Variants in BTBD1 observed in about 807,000 individuals in gnomAD.
The protein encoded by BTBD1 is BTB domain containing 1, also known as BTB/POZ domain-containing protein 1.
In BTBD1, 34 loss-of-function variants were observed where a neutral mutation model predicts 48.0. The observed-to-expected ratio is 0.71, with a 90% CI of 0.54 to 0.94. The LOEUF is 0.94. Ranked by LOEUF, BTBD1 falls within the 40% of genes least tolerant of loss-of-function variation. The probability of loss-of-function intolerance (pLI) is 0.00; values close to 1 mark genes in which losing one functional copy is unlikely to be tolerated. For missense variants in BTBD1, 543 were observed against 625.6 expected (o/e 0.87, Z 1.41); for synonymous variants, 261 against 242.1 (o/e 1.08, Z -0.72).
chr15:83,034,985 A>G (rs774170127), intron 4 of BTBD1, among the ~76,000 whole-genome samples: 3 of 152,174 alleles, frequency 2.0e-5, no homozygotes, highest in Non-Finnish European at 4.4e-5. Context: ...TCAAGTATAC[A>G]TGGATACTTA....
At chr15:83,063,840 C>T (rs2033215633) in intron 1 of BTBD1, among the ~76,000 whole-genome samples, 1 of 152,224 alleles carries the variant, frequency 6.6e-6, no homozygotes, top group Non-Finnish European at 1.5e-5. Flanking sequence ...CGTTCCCTTG[C>T]TGAGAATGTT....
chr15:83,050,005 C>A, intron 3 of BTBD1, 68 bp downstream of exon 3: 1 of 923,886 alleles, frequency 1.1e-6, no homozygotes. Context: ...GCCCCTTCTC[C>A]AACAAGGCTG....
At chr15:83,046,253 A>G (rs2032875551) in intron 3 of BTBD1, among the ~76,000 whole-genome samples, 1 of 152,136 alleles carries the variant, frequency 6.6e-6, no homozygotes, top group African/African-American at 2.4e-5. Context: ...AAAAATAATA[A>G]TAATAACTGA....
chr15:83,037,339 G>A (rs969019169), intron 4 of BTBD1, among the ~76,000 whole-genome samples: 1 of 152,138 alleles, frequency 6.6e-6, no homozygotes, highest in Non-Finnish European at 1.5e-5. Flanking sequence ...TGGCCAGCCT[G>A]AGCAACATGG....
At chr15:83,027,240 T>A (rs1430569275) in intron 5 of BTBD1, among the ~76,000 whole-genome samples, 4 of 152,142 alleles carry the variant, frequency 2.6e-5, no homozygotes, top group Non-Finnish European at 4.4e-5. Flanking sequence ...TAATCCCAGC[T>A]ACCTGGGAGC....
Position 83,050,064 on chromosome 15 carries a change from C to T in BTBD1, c.664+9G>A, listed in dbSNP as rs571736474. The T allele has an allele frequency of 2.1e-5, 32 of 1,554,192 alleles. No individual in the cohort carries two copies. Among genetic ancestry groups the T allele is most frequent in the Middle Eastern group, 3.4e-4 (2 of 5,954 alleles). On this transcript the variant is annotated intron_variant, in intron 3 of 7. Transcript: ENST00000261721. Reference sequence around the variant, plus strand: ...TAAAATGTAACAATTTACTTCATAGCGAACTTACCTATATCAATATCAGTA... The same window carrying T: ...TAAAATGTAACAATTTACTTCATAGTGAACTTACCTATATCAATATCAGTA...
rs772514339 is a variant in BTBD1 at position 83,018,748 on chromosome 15, T to C, written c.1249A>G (p.Ile417Val). 1 of 1,614,082 alleles carries C rather than the reference T, an allele frequency of 6.2e-7. No homozygotes were observed. The highest frequency in any genetic ancestry group is 1.7e-5 in the Admixed American group (1 of 60,014). ...GCTGTGTAGCACACATTGGGCAGGATCTCTATGGGTTCCTTGAACATGACC... is the reference window on the plus strand; with the variant it reads ...GCTGTGTAGCACACATTGGGCAGGACCTCTATGGGTTCCTTGAACATGACC... ...FRVMFKEPIE[I>V]LPNVCYTACA... is the part of the protein sequence containing the mutation. The change falls in exon 7 of 8, where the codon ATC (isoleucine) becomes GTC (valine). Residue 417 changes from isoleucine to valine, a missense_variant. By Grantham distance (29) the Ile-to-Val change is conservative. Around this residue, in one of 3 missense-constraint regions of BTBD1, gnomAD observed 300 missense variants for 350.0 expected, o/e 0.86. Transcript: ENST00000261721.
intron 1 of BTBD1, among the ~76,000 whole-genome samples, chr15:83,066,325 C>G (rs2033269504): frequency 6.6e-6 from 1 of 151,978 alleles, no homozygotes; most frequent in South Asian, 2.1e-4. Context: ...AAGGGGGTGA[C>G]AATAACCCCA....
intron 1 of BTBD1, among the ~76,000 whole-genome samples, chr15:83,058,622 TA>T (rs949224251): frequency 6.4e-4 from 93 of 145,794 alleles, no homozygotes; most frequent in Non-Finnish European, 9.7e-4. Flanking sequence ...TTTTTTTAAT[TA>T]AAAAAAAAAA....
At chr15:83,032,276 G>A (rs947646320) in intron 4 of BTBD1, among the ~76,000 whole-genome samples, 33 of 151,588 alleles carry the variant, frequency 2.2e-4, no homozygotes, top group African/African-American at 6.5e-4. Flanking sequence ...AGCCGAGATC[G>A]CACTACTGCA....
intron 1 of BTBD1, among the ~76,000 whole-genome samples, chr15:83,058,869 T>C (rs1463499015): frequency 6.6e-6 from 1 of 152,072 alleles, no homozygotes; most frequent in Non-Finnish European, 1.5e-5. Flanking sequence ...TGGAAAAGGT[T>C]TGTAGAGAAA....
intron 1 of BTBD1, among the ~76,000 whole-genome samples, chr15:83,065,246 A>G (rs559439381): frequency 2.6e-5 from 4 of 152,346 alleles, no homozygotes; most frequent in South Asian, 4.1e-4. Context: ...CTGTTTTCCA[A>G]AAGGGTTTTT....
In BTBD1 at chr15:83,018,156, TCTTG is replaced by T. The variant is rs758495697; in HGVS notation, c.1356_1359del (p.Ser452ArgfsTer18). On this transcript the variant is annotated frameshift_variant, in exon 8 of 8. Transcript: ENST00000261721. LOFTEE classifies it high-confidence loss of function. ...GGGGAACTAAAAAAGAAAAAAACAG[TCTTG>T]CTTGCAGCAGGTGTCTCATGCACTA... 6.2e-7 allele frequency: 1 copy of T among 1,613,076 alleles called. No individual in the cohort carries two copies. Among genetic ancestry groups the T allele is most frequent in the Non-Finnish European group, 8.5e-7 (1 of 1,179,538 alleles).
rs1401023744 is a variant in BTBD1 at position 83,044,794 on chromosome 15, A to G, written c.665-2869T>C. On this transcript the variant is annotated intron_variant, in intron 3 of 7. Coordinates refer to ENST00000261721, the MANE Select transcript of BTBD1 (RefSeq NM_025238.4). The stretch of plus-strand genomic sequence containing the variant: ...TAAAAATTCCATCATCACTTTGGAC[A>G]GGAGTTAACTAATAGAATGATCAAG... 6.0e-6 allele frequency: 8 copies of G among 1,335,072 alleles called. No homozygotes were observed. The South Asian group carries it at 9.4e-5, about 16-fold the overall frequency. 82.7% of individuals were successfully genotyped at this position (1,335,072 alleles called of 1,614,324 possible). A position where few individuals can be genotyped will look rare whatever the true frequency, so the allele number is the denominator to read the frequency against.
chr15:83,053,577 T>C (rs1028313637), intron 2 of BTBD1, among the ~76,000 whole-genome samples: 1 of 152,218 alleles, frequency 6.6e-6, no homozygotes, highest in Admixed American at 6.5e-5. Flanking sequence ...TGAATTTATA[T>C]CTCACCTTTA....
intron 4 of BTBD1, 104 bp from the exon 5 acceptor site, chr15:83,030,432 A>G: frequency 1.1e-6 from 1 of 920,734 alleles, no homozygotes; most frequent in Non-Finnish European, 1.7e-6. Context: ...TAACATAAAA[A>G]TAGGGGAAAA....
At chr15:83,064,607 G>A (rs2033229639) in intron 1 of BTBD1, among the ~76,000 whole-genome samples, 1 of 151,796 alleles carries the variant, frequency 6.6e-6, no homozygotes. Context: ...TAGATTTGTG[G>A]TTCTTAAATT....
intron 4 of BTBD1, among the ~76,000 whole-genome samples, chr15:83,034,693 A>G (rs2032591113): frequency 6.6e-6 from 1 of 152,208 alleles, no homozygotes; most frequent in Admixed American, 6.5e-5. Context: ...AAGCAAATTC[A>G]ATATAAAAAA....
intron 2 of BTBD1, among the ~76,000 whole-genome samples, chr15:83,053,962 G>A (rs76439108): frequency 0.01 from 1,577 of 152,320 alleles, 14 homozygotes; most frequent in Non-Finnish European, 0.015. Context: ...TTTTAGGTGA[G>A]ACCTTAGTTT....
Sources: allele counts gnomAD v4.1 joint callset (sites outside exome capture counted in the v4.1 genomes callset), GRCh38; gene constraint gnomAD v4.1.1; regional missense constraint gnomAD v4.1.1; transcripts MANE v1.5; gene names NCBI Gene and HGNC (gene_info 2026-07-23, HGNC 2026-07-21).